Variants in IGSF3 observed in about 807,000 individuals in gnomAD.
IGSF3 encodes the protein immunoglobulin superfamily member 3.
In IGSF3, 23 loss-of-function variants were observed where a neutral mutation model predicts 114.4. The observed-to-expected ratio is 0.20, with a 90% confidence interval of 0.14 to 0.28. IGSF3 has a LOEUF of 0.28. IGSF3 is among the 10% of genes least tolerant of loss of function. The probability of loss-of-function intolerance (pLI) is 1.00; values close to 1 mark genes in which losing one functional copy is unlikely to be tolerated. For missense variants in IGSF3, 1,172 were observed against 1,591.5 expected (o/e 0.74, Z 4.48); for synonymous variants, 571 against 645.2 (o/e 0.88, Z 1.74).
intron 2 of IGSF3, among the ~76,000 whole-genome samples, chr1:116,626,450 C>T (rs1571170628): frequency 6.6e-6 from 1 of 152,136 alleles, no homozygotes; most frequent in East Asian, 1.9e-4. Context: ...CATAGGATTA[C>T]ACCACATTTT....
rs1215453755 is a variant in IGSF3 at position 116,576,891 on chromosome 1, T to TG, written c.*420dup. 6.3e-6 allele frequency: 1 copy of TG among 157,488 alleles called. No homozygotes were observed. Among genetic ancestry groups the TG allele is most frequent in the African/African-American group, 2.4e-5 (1 of 41,530 alleles). The allele number at this position is 157,488 out of a possible 1,614,324, so 9.8% of individuals were successfully genotyped here. On this transcript the variant is annotated 3_prime_UTR_variant, in exon 11 of 11. Transcript: ENST00000369486. This position sits in a 1 kb window ranked among gnomAD's most constrained non-coding sequence, Gnocchi z 4.6. ...TCACTAGAAAGTTCGCCCTTCCTTT[T>TG]GCTGTCAGTTGTACGTAAGAGAAAT... is the stretch of plus-strand genomic sequence containing the variant.
In IGSF3 at chr1:116,634,484, C is replaced by A. The variant is rs190595680; in HGVS notation, c.44-18027G>T. Among the ~76,000 whole-genome samples the A allele has an allele frequency of 2.9e-3, 444 of 151,588 alleles. 3 individuals carry two copies. Among genetic ancestry groups the A allele is most frequent in the African/African-American group, 0.01 (430 of 41,466 alleles). ...ATCACCTGGCTTTCCTCCTCTCTCC[C>A]TGCCCACATCTCCTCAGTCACTCGC... On this transcript the variant is annotated intron_variant, in intron 2 of 10. Coordinates refer to ENST00000369486, the MANE Select transcript of IGSF3 (RefSeq NM_001007237.3). The surrounding 1 kb of genome is among the most constrained non-coding windows in gnomAD (Gnocchi z 4.2).
At position 116,610,983 on chromosome 1, in the gene IGSF3, G is replaced by A. The variant is rs1343806612; in HGVS notation, c.833-2652C>T. Among the ~76,000 whole-genome samples the A allele has an allele frequency of 6.6e-6, 1 of 152,170 alleles. No individual in the cohort carries two copies. Among genetic ancestry groups the A allele is most frequent in the Non-Finnish European group, 1.5e-5 (1 of 68,032 alleles). ...TTGTTCCTTCCCTCCCACAGTTCAA[G>A]GAACCCCCAGAGCCCCAGTCCTAGC... On this transcript the variant is annotated intron_variant, in intron 4 of 10. Transcript: ENST00000369486. The surrounding 1 kb of genome is among the most constrained non-coding windows in gnomAD (Gnocchi z 4.3).
Position 116,582,575 on chromosome 1 carries a change from A to G in IGSF3, c.2848+2070T>C, listed in dbSNP as rs1198006687. Among the ~76,000 whole-genome samples the G allele has an allele frequency of 1.3e-5, 2 of 152,244 alleles. No individual in the cohort carries two copies. Among genetic ancestry groups the G allele is most frequent in the East Asian group, 3.8e-4 (2 of 5,200 alleles). On this transcript the variant is annotated intron_variant, in intron 9 of 10. Coordinates refer to ENST00000369486, the MANE Select transcript of IGSF3 (RefSeq NM_001007237.3). This position sits in a 1 kb window ranked among gnomAD's most constrained non-coding sequence, Gnocchi z 4.7. ...AGAGCTATATTATTTCAAGTCTTCC[A>G]TGTGTTTAACGTATCCCTCCGAAAA... is the stretch of plus-strand genomic sequence containing the variant.
At position 116,577,329 on chromosome 1, in the gene IGSF3, G is replaced by A. The variant is rs781436629; in HGVS notation, c.3568C>T (p.Pro1190Ser). The A allele has an allele frequency of 3.1e-6, 5 of 1,613,904 alleles. No homozygotes were observed. The highest frequency in any genetic ancestry group is 4.2e-6 in the Non-Finnish European group (5 of 1,180,044). The change falls in exon 11 of 11, where the codon CCA becomes TCA. Residue 1190 changes from proline to serine, a missense_variant. Transcript: ENST00000369486. This position sits in a 1 kb window ranked among gnomAD's most constrained non-coding sequence, Gnocchi z 5.7. ...TCACCCGCTTAGTCTATGGCCCCTG[G>A]ATGGATACTGAGAACAGGGGGCTCC... is the stretch of plus-strand genomic sequence containing the variant. Reference protein sequence around the residue: ...CLEPPVLSIHPGAID With the variant: ...CLEPPVLSIHSGAID
At position 116,590,324 on chromosome 1, in the gene IGSF3, CCTCG is replaced by C. The variant is rs1660052325; in HGVS notation, c.2030-1224_2030-1221del. 5.3e-5 allele frequency among the ~76,000 whole-genome samples: 8 copies of C among 152,006 alleles called. No homozygotes were observed. The East Asian group carries it at 1.5e-3, about 29-fold the overall frequency. ...ATCTCACCCACCCCATCATCATTAA[CCTCG>C]GCTCTGCATTCCCCTACCCAAGCCT... On this transcript the variant is annotated intron_variant, in intron 7 of 10. Transcript: ENST00000369486.
In IGSF3 at chr1:116,603,897, C is replaced by T; in HGVS notation, c.1351G>A (p.Val451Met). The T allele has an allele frequency of 6.2e-7, 1 of 1,614,138 alleles. No individual in the cohort carries two copies. Among genetic ancestry groups the T allele is most frequent in the Non-Finnish European group, 8.5e-7 (1 of 1,179,998 alleles). Residue 451 changes from valine (V) to methionine (M), a missense_variant, in exon 6 of 11, where the codon GTG becomes ATG. Around this residue, in one of 3 missense-constraint regions of IGSF3, gnomAD observed 736 missense variants for 1,042.0 expected, o/e 0.71. Coordinates refer to ENST00000369486, the MANE Select transcript of IGSF3 (RefSeq NM_001007237.3). This position sits in a 1 kb window ranked among gnomAD's most constrained non-coding sequence, Gnocchi z 7.1. Reference protein sequence around the residue: ...QGRFSVIWQLVDRQNRRSNIM... With the variant: ...QGRFSVIWQLMDRQNRRSNIM... The stretch of plus-strand genomic sequence containing the variant: ...TTGCTGCGGCGGTTCTGCCTGTCCA[C>T]AAGCTGCCAGATGACAGAGAAGCGA...
intron 6 of IGSF3, among the ~76,000 whole-genome samples, chr1:116,602,372 A>C (rs1321935334): frequency 1.3e-5 from 2 of 151,740 alleles, no homozygotes; most frequent in Non-Finnish European, 2.9e-5. Context: ...TAAAAAAAAA[A>C]AAAACACACC....
rs77809202 is a variant in IGSF3, at chr1:116,661,669, C to T, written c.43+4615G>A. ...ACCAAATGGTCCTGGCTTCAAAACC[C>T]TACTCTGCCACTTTTTAGCTTTGTG... is the stretch of plus-strand genomic sequence containing the variant. On this transcript the variant is annotated intron_variant, in intron 2 of 10. Transcript: ENST00000369486. The surrounding 1 kb of genome is among the most constrained non-coding windows in gnomAD (Gnocchi z 4.0). Among the ~76,000 whole-genome samples the T allele has an allele frequency of 0.034, 5,201 of 152,256 alleles. 298 individuals carry two copies. Among genetic ancestry groups the T allele is most frequent in the African/African-American group, 0.12 (4,899 of 41,516 alleles).
rs1328376666 is a variant in IGSF3, at chr1:116,614,222, T to C, written c.422-47A>G. ...AGAGTGCAGTCACAAAGCCACAGAA[T>C]CTGAGACTCCCAGGGCTAAGCTCCC... On this transcript the variant is annotated intron_variant, in intron 3 of 10. Transcript: ENST00000369486. This position sits in a 1 kb window ranked among gnomAD's most constrained non-coding sequence, Gnocchi z 4.5. The C allele has an allele frequency of 6.6e-7, 1 of 1,513,524 alleles. No individual in the cohort carries two copies. Among genetic ancestry groups the C allele is most frequent in the Non-Finnish European group, 9.1e-7 (1 of 1,096,594 alleles). The allele number at this position is 1,513,524 out of a possible 1,614,324, so 93.8% of individuals were successfully genotyped here.
rs10923125 is a variant in IGSF3, at chr1:116,636,182, C to T, written c.44-19725G>A. Among the ~76,000 whole-genome samples the T allele has an allele frequency of 0.025, 3,861 of 152,258 alleles. 150 individuals are homozygous for T. The highest frequency in any genetic ancestry group is 0.088 in the African/African-American group (3,658 of 41,514). On this transcript the variant is annotated intron_variant, in intron 2 of 10. Coordinates refer to ENST00000369486, the MANE Select transcript of IGSF3 (RefSeq NM_001007237.3). This position sits in a 1 kb window ranked among gnomAD's most constrained non-coding sequence, Gnocchi z 4.5. ...CTGAGAGCCGCTCCACAATCACCTT[C>T]CCAAGAAGAATTCCCCATACCGAGT... is the stretch of plus-strand genomic sequence containing the variant.
chr1:116,640,946 T>C (rs943073589), intron 2 of IGSF3, among the ~76,000 whole-genome samples: 4 of 152,272 alleles, frequency 2.6e-5, no homozygotes, highest in Non-Finnish European at 5.9e-5. Flanking sequence ...CTTCTTGGTA[T>C]TCTGAAAATT....
At chr1:116,626,245 C>T (rs1647260301) in intron 2 of IGSF3, among the ~76,000 whole-genome samples, 1 of 149,704 alleles carries the variant, frequency 6.7e-6, no homozygotes, top group Non-Finnish European at 1.5e-5. Flanking sequence ...ATAGAGCTCT[C>T]CAGACTTAAA....
At position 116,628,700 on chromosome 1, in the gene IGSF3, G is replaced by T. The variant is rs2878666; in HGVS notation, c.44-12243C>A. On this transcript the variant is annotated intron_variant, in intron 2 of 10. Transcript: ENST00000369486. The surrounding 1 kb of genome is among the most constrained non-coding windows in gnomAD (Gnocchi z 4.2). ...TGCTTCTGGGGGTTTTCCCAAGCAC[G>T]TGTTACGTATGATAATAATGGATGG... Among the ~76,000 whole-genome samples the T allele has an allele frequency of 6.6e-6, 1 of 152,192 alleles. No homozygotes were observed. The highest frequency in any genetic ancestry group is 1.5e-5 in the Non-Finnish European group (1 of 68,044).
Position 116,584,557 on chromosome 1 carries a change from A to T in IGSF3, c.2848+88T>A. The T allele has an allele frequency of 7.9e-7, 1 of 1,269,076 alleles. No individual in the cohort carries two copies. The highest frequency in any genetic ancestry group is 1.1e-6 in the Non-Finnish European group (1 of 891,422). The allele number at this position is 1,269,076 out of a possible 1,614,324, so 78.6% of individuals were successfully genotyped here. On this transcript the variant is annotated intron_variant, in intron 9 of 10. Transcript: ENST00000369486. The surrounding 1 kb of genome is among the most constrained non-coding windows in gnomAD (Gnocchi z 5.8). ...TATATTTAACTGCAAATAATTTATT[A>T]ATAAACTAATTTTATCCAGTGCATA...
Position 116,636,451 on chromosome 1 carries a change from G to A in IGSF3, c.44-19994C>T, listed in dbSNP as rs1330779672. Among the ~76,000 whole-genome samples the A allele has an allele frequency of 1.3e-5, 2 of 152,170 alleles. No individual in the cohort carries two copies. The highest frequency in any genetic ancestry group is 2.9e-5 in the Non-Finnish European group (2 of 68,032). ...CCAATAGCATGAAGTAGACAATGATGTTCTTAGCATCCAGTCTTAAAACTA... is the reference window on the plus strand; with the variant it reads ...CCAATAGCATGAAGTAGACAATGATATTCTTAGCATCCAGTCTTAAAACTA... On this transcript the variant is annotated intron_variant, in intron 2 of 10. Coordinates refer to ENST00000369486, the MANE Select transcript of IGSF3 (RefSeq NM_001007237.3). This position sits in a 1 kb window ranked among gnomAD's most constrained non-coding sequence, Gnocchi z 4.5.
chr1:116,658,433 T>C (rs1043204577), intron 2 of IGSF3, among the ~76,000 whole-genome samples: 6 of 151,800 alleles, frequency 4.0e-5, no homozygotes, highest in Non-Finnish European at 7.4e-5. Flanking sequence ...CCTTCAGAAA[T>C]GTCTGGTGCC....
At chr1:116,652,435 T>A (rs1269446317) in intron 2 of IGSF3, among the ~76,000 whole-genome samples, 1 of 152,262 alleles carries the variant, frequency 6.6e-6, no homozygotes, top group Non-Finnish European at 1.5e-5. Context: ...ATTTTACTAA[T>A]TCAAACTAAT....
Position 116,577,351 on chromosome 1 carries a change from C to G in IGSF3, c.3546G>C (p.Glu1182Asp). 1 of 1,614,120 alleles carries G rather than the reference C, an allele frequency of 6.2e-7. No individual in the cohort carries two copies. The highest frequency in any genetic ancestry group is 8.5e-7 in the Non-Finnish European group (1 of 1,180,020). ...PHLNYSPTCL[E>D]PPVLSIHPGA... ...CTGGATGGATACTGAGAACAGGGGG[C>G]TCCAGGCAAGTAGGGGAGTAGTTGA... is the stretch of plus-strand genomic sequence containing the variant. The change falls in exon 11 of 11, where the codon GAG (glutamate) becomes GAC (aspartate). Residue 1182 changes from glutamate to aspartate, a missense_variant. By Grantham distance (45) the Glu-to-Asp change is conservative. This residue lies in a region of IGSF3 where 423 missense variants were observed against 509.8 expected (regional missense o/e 0.83). Transcript: ENST00000369486. This position sits in a 1 kb window ranked among gnomAD's most constrained non-coding sequence, Gnocchi z 5.7.
Sources: allele counts gnomAD v4.1 joint callset (sites outside exome capture counted in the v4.1 genomes callset), GRCh38; gene constraint gnomAD v4.1.1; regional missense constraint gnomAD v4.1.1; non-coding constraint Gnocchi (gnomAD v3.1); transcripts MANE v1.5; gene names NCBI Gene and HGNC (gene_info 2026-07-23, HGNC 2026-07-21).